The following CNTFR variants were observed in gnomAD, a reference collection of about 807,000 sequenced individuals.
The protein encoded by CNTFR is ciliary neurotrophic factor receptor.
A neutral mutation model predicts 40.4 loss-of-function variants in CNTFR; 12 were observed. That is an observed-to-expected ratio of 0.30 (90% confidence interval 0.19 to 0.48). CNTFR has a LOEUF of 0.48. Ranked by LOEUF, CNTFR falls within the 20% of genes least tolerant of loss-of-function variation. The probability of loss-of-function intolerance (pLI) is 0.99; values close to 1 mark genes in which losing one functional copy is unlikely to be tolerated. For synonymous variants in CNTFR, 202 were observed against 209.6 expected (o/e 0.96, Z 0.31); for missense variants, 414 against 506.8 (o/e 0.82, Z 1.76).
intron 2 of CNTFR, among the ~76,000 whole-genome samples, chr9:34,569,228 G>A (rs926823617): frequency 6.6e-6 from 1 of 152,220 alleles, no homozygotes; most frequent in Admixed American, 6.5e-5. Flanking sequence ...CCTTCTTAAT[G>A]GGGCTCAAGA....
chr9:34,557,080 G>A lies in CNTFR; in HGVS notation c.604+446C>T. 7.2e-6 allele frequency among the ~76,000 whole-genome samples: 1 copy of A among 139,338 alleles called. No individual in the cohort carries two copies. Among genetic ancestry groups the A allele is most frequent in the Admixed American group, 7.4e-5 (1 of 13,564 alleles). 91.4% of individuals were successfully genotyped at this position (139,338 alleles called of 152,430 possible). A position where few individuals can be genotyped will look rare whatever the true frequency, so the allele number is the denominator to read the frequency against. On this transcript the variant is annotated intron_variant, in intron 6 of 9. Transcript: ENST00000378980. The surrounding 1 kb of genome is among the most constrained non-coding windows in gnomAD (Gnocchi z 4.2). ...CCTGCCTGGAATAGGGCAGGGGCAG[G>A]TAGAGGGTCTGGCTGGGATGGGGGG...
At chr9:34,568,239 T>A (rs1005624245) in intron 3 of CNTFR, 7 of 152,394 alleles carry the variant, frequency 4.6e-5, no homozygotes, top group African/African-American at 1.7e-4. Flanking sequence ...GGTGGCCAAG[T>A]TAAGAGGGCC....
Position 34,564,625 on chromosome 9 carries a change from C to T in CNTFR, c.293G>A (p.Arg98His), listed in dbSNP as rs1347465554. Residue 98 changes from arginine to histidine, a missense_variant, in exon 4 of 10, where the codon CGC (arginine) becomes CAC (histidine). By Grantham distance (29) the Arg-to-His change is conservative. Coordinates refer to ENST00000378980, the MANE Select transcript of CNTFR (RefSeq NM_147164.3). ...ACFHRDSWHL[R>H]HQVLLHVGLP... Reference sequence around the variant, plus strand: ...GCCCACATGCAGCAGGACTTGGTGGCGCAGGTGCCAGGAGTCACGGTGGAA... The same window carrying T: ...GCCCACATGCAGCAGGACTTGGTGGTGCAGGTGCCAGGAGTCACGGTGGAA... The T allele has an allele frequency of 6.2e-6, 10 of 1,611,654 alleles. No homozygotes were observed. In the African/African-American group the frequency reaches 6.7e-5, roughly 11 times the overall value.
chr9:34,575,957 G>A (rs1826940114), intron 2 of CNTFR, among the ~76,000 whole-genome samples: 1 of 151,428 alleles, frequency 6.6e-6, no homozygotes, highest in South Asian at 2.1e-4. Flanking sequence ...GGAAGCCACA[G>A]CAATCTGTTC....
chr9:34,558,853 C>T (rs1388866711), intron 4 of CNTFR, among the ~76,000 whole-genome samples: 1 of 152,178 alleles, frequency 6.6e-6, no homozygotes, highest in Non-Finnish European at 1.5e-5. Flanking sequence ...CAGAGCTAAA[C>T]CCCAGGACAG....
chr9:34,576,493 A>G (rs1027749068), intron 2 of CNTFR, among the ~76,000 whole-genome samples: 6 of 152,210 alleles, frequency 3.9e-5, no homozygotes, highest in African/African-American at 1.4e-4. Context: ...CCAGCACCTC[A>G]GGTTGCCTAG....
chr9:34,563,275 T>C (rs1587132621), intron 4 of CNTFR, among the ~76,000 whole-genome samples: 1 of 152,330 alleles, frequency 6.6e-6, no homozygotes, highest in East Asian at 1.9e-4. Flanking sequence ...TTCTTTTGCT[T>C]TGCCTGCTGG....
chr9:34,564,213 C>A (rs1826185806), intron 4 of CNTFR, among the ~76,000 whole-genome samples: 1 of 152,214 alleles, frequency 6.6e-6, no homozygotes, highest in South Asian at 2.1e-4. Context: ...CTCCCTGAGG[C>A]CCTCTGACTA....
At chr9:34,573,596 G>C (rs10972154) in intron 2 of CNTFR, among the ~76,000 whole-genome samples, 31,371 of 152,172 alleles carry the variant, frequency 0.21, 3,835 homozygotes, top group South Asian at 0.27. Context: ...ACATCCATCT[G>C]ATGAAGGGCA....
At position 34,566,012 on chromosome 9, in the gene CNTFR, G is replaced by A. The variant is rs537926416; in HGVS notation, c.86-1180C>T. Among the ~76,000 whole-genome samples, 22 of 152,264 alleles carry A rather than the reference G, an allele frequency of 1.4e-4. No homozygotes were observed. In the South Asian group the frequency reaches 4.1e-3, roughly 29 times the overall value. On this transcript the variant is annotated intron_variant, in intron 3 of 9. Transcript: ENST00000378980. ...CATCTCCCCTCCAGAGAGCCACCCT[G>A]CTGAGTTGGGGGATTTTTAGAGGCA... is the stretch of plus-strand genomic sequence containing the variant.
chr9:34,558,926 G>A (rs77093523), intron 4 of CNTFR, among the ~76,000 whole-genome samples: 2 of 152,104 alleles, frequency 1.3e-5, no homozygotes, highest in Non-Finnish European at 2.9e-5. Flanking sequence ...ACTCTTTTTT[G>A]CTGCCGTGAG....
intron 1 of CNTFR, among the ~76,000 whole-genome samples, chr9:34,586,394 A>G (rs1055499963): frequency 3.3e-5 from 5 of 152,136 alleles, no homozygotes; most frequent in African/African-American, 1.2e-4. Flanking sequence ...TCCTCCAGCT[A>G]CTTTCTCCCC....
At chr9:34,559,949 G>A (rs1036512887) in intron 4 of CNTFR, among the ~76,000 whole-genome samples, 3 of 151,860 alleles carry the variant, frequency 2.0e-5, no homozygotes, top group African/African-American at 4.8e-5. Flanking sequence ...TCCCCCTCAC[G>A]CCAGTTCCTC....
chr9:34,552,612 C>A lies in CNTFR; in HGVS notation c.949+62G>T. ...GAGGCAGCAGGGTAGAACCAGGCCA[C>A]AGGTTCTACCACAGGCCTCCAGGAC... On this transcript the variant is annotated intron_variant, in intron 8 of 9. Coordinates refer to ENST00000378980, the MANE Select transcript of CNTFR (RefSeq NM_147164.3). The surrounding 1 kb of genome is among the most constrained non-coding windows in gnomAD (Gnocchi z 5.1). 1 of 1,541,866 alleles carries A rather than the reference C, an allele frequency of 6.5e-7. No homozygotes were observed. The highest frequency in any genetic ancestry group is 1.2e-5 in the South Asian group (1 of 84,578).
chr9:34,556,334 G>C lies in CNTFR; in HGVS notation c.689C>G (p.Ser230Trp). The part of the protein sequence containing the change: ...RRLEVTWQTP[S>W]TWPDPESFPL... ...AAAAGACTCAGGGTCAGGCCAGGTC[G>C]AGGGGGTCTGCCACGTCACCTCCAG... Residue 230 changes from serine to tryptophan, a missense_variant, in exon 7 of 10, where the codon TCG becomes TGG. Ser to Trp is a radical substitution (Grantham distance 177). This residue lies in a region of CNTFR where 83 missense variants were observed against 145.0 expected (regional missense o/e 0.57). Transcript: ENST00000378980. The C allele has an allele frequency of 1.9e-6, 3 of 1,613,976 alleles. No homozygotes were observed. The East Asian group carries it at 6.7e-5, about 36-fold the overall frequency.
At chr9:34,563,031 A>T (rs1444678192) in intron 4 of CNTFR, among the ~76,000 whole-genome samples, 1 of 151,494 alleles carries the variant, frequency 6.6e-6, no homozygotes, top group Non-Finnish European at 1.5e-5. Flanking sequence ...TGGCCATCTC[A>T]CACCCTCCCA....
upstream of CNTFR, among the ~76,000 whole-genome samples, chr9:34,590,849 G>A (rs79026138): frequency 0.021 from 3,240 of 152,316 alleles, 110 homozygotes; most frequent in African/African-American, 0.074. Flanking sequence ...AAGCGCAATG[G>A]AGTGGCAATG....
rs1209053788 is a variant in CNTFR, at chr9:34,552,652, G to A, written c.949+22C>T. ...GCCTCCAGGACAGCAAAGCCAGGAGGTAGGGGCGGGAGCAAGCTCACCCGC... is the reference window on the plus strand; with the variant it reads ...GCCTCCAGGACAGCAAAGCCAGGAGATAGGGGCGGGAGCAAGCTCACCCGC... On this transcript the variant is annotated intron_variant, in intron 8 of 9. Coordinates refer to ENST00000378980, the MANE Select transcript of CNTFR (RefSeq NM_147164.3). The surrounding 1 kb of genome is among the most constrained non-coding windows in gnomAD (Gnocchi z 5.1). The A allele has an allele frequency of 6.2e-7, 1 of 1,609,260 alleles. No individual in the cohort carries two copies. Among genetic ancestry groups the A allele is most frequent in the East Asian group, 2.2e-5 (1 of 44,858 alleles).
chr9:34,573,414 C>T (rs1042738057), intron 2 of CNTFR, among the ~76,000 whole-genome samples: 7 of 152,162 alleles, frequency 4.6e-5, no homozygotes, highest in Non-Finnish European at 7.3e-5. Flanking sequence ...GCTGTGGGCA[C>T]GCCGAGGCTC....
Sources: allele counts gnomAD v4.1 joint callset (sites outside exome capture counted in the v4.1 genomes callset), GRCh38; gene constraint gnomAD v4.1.1; regional missense constraint gnomAD v4.1.1; non-coding constraint Gnocchi (gnomAD v3.1); transcripts MANE v1.5; gene names NCBI Gene and HGNC (gene_info 2026-07-23, HGNC 2026-07-21).